Variants in TRAPPC9 observed in about 807,000 individuals in gnomAD.
TRAPPC9 encodes the protein IKK2 binding protein.
Under a neutral mutation model 124.0 loss-of-function variants are expected in TRAPPC9, and 83 were observed. The observed-to-expected ratio is 0.67, with a 90% confidence interval of 0.56 to 0.80. The LOEUF (loss-of-function observed/expected upper bound fraction) is 0.80, where lower values mean the gene tolerates loss of function less well. Ranked by LOEUF, TRAPPC9 falls within the 30% of genes least tolerant of loss-of-function variation. The pLI is 0.00. For synonymous variants in TRAPPC9, 638 were observed against 617.5 expected (o/e 1.03, Z -0.49); for missense variants, 1,302 against 1,508.3 (o/e 0.86, Z 2.27).
At chr8:140,406,681 G>T (rs2069503318) in intron 5 of TRAPPC9, among the ~76,000 whole-genome samples, 1 of 152,174 alleles carries the variant, frequency 6.6e-6, no homozygotes, top group Admixed American at 6.5e-5. Context: ...ATGGACAGAT[G>T]GAAGGAGAAC....
chr8:140,282,093 A>G (rs1169031136), intron 14 of TRAPPC9, among the ~76,000 whole-genome samples: 2 of 152,222 alleles, frequency 1.3e-5, no homozygotes, highest in Admixed American at 1.3e-4. Flanking sequence ...GCAACTGGCA[A>G]ATGAAAGGGT....
At chr8:139,969,320 C>T (rs959435824) in intron 19 of TRAPPC9, among the ~76,000 whole-genome samples, 21 of 152,236 alleles carry the variant, frequency 1.4e-4, no homozygotes, top group African/African-American at 4.8e-4. Context: ...CTTTCCCTCT[C>T]GCTAGACTGG....
At chr8:139,766,224 T>A (rs1399858100) in intron 21 of TRAPPC9, among the ~76,000 whole-genome samples, 1 of 152,194 alleles carries the variant, frequency 6.6e-6, no homozygotes, top group Non-Finnish European at 1.5e-5. Flanking sequence ...GGGATGCGTG[T>A]CCTTGGGCGT....
chr8:140,402,869 C>G (rs1241287539), intron 6 of TRAPPC9, among the ~76,000 whole-genome samples: 1 of 151,746 alleles, frequency 6.6e-6, no homozygotes, highest in Non-Finnish European at 1.5e-5. Flanking sequence ...AATATGAATT[C>G]AATACATTGT....
At chr8:140,209,665 CT>C (rs1315542747) in intron 17 of TRAPPC9, among the ~76,000 whole-genome samples, 1 of 152,180 alleles carries the variant, frequency 6.6e-6, no homozygotes, top group African/African-American at 2.4e-5. Context: ...ATTTTGTAAG[CT>C]TTTCTTATCT....
intron 20 of TRAPPC9, among the ~76,000 whole-genome samples, chr8:139,893,128 G>A (rs189707211): frequency 6.6e-6 from 1 of 152,326 alleles, no homozygotes; most frequent in African/African-American, 2.4e-5. Context: ...TCGTAGCCCT[G>A]GTGAGGGGCT....
intron 17 of TRAPPC9, among the ~76,000 whole-genome samples, chr8:140,169,787 G>C (rs963440407): frequency 6.6e-6 from 1 of 152,110 alleles, no homozygotes; most frequent in Non-Finnish European, 1.5e-5. Flanking sequence ...TGCTAGATGG[G>C]TATAGGGTTT....
At chr8:140,153,715 T>C (rs2061585131) in intron 17 of TRAPPC9, among the ~76,000 whole-genome samples, 1 of 152,226 alleles carries the variant, frequency 6.6e-6, no homozygotes, top group African/African-American at 2.4e-5. Flanking sequence ...ACAGTGATTT[T>C]TCTAAAGTGC....
chr8:140,267,658 T>C (rs1254040301), intron 15 of TRAPPC9, among the ~76,000 whole-genome samples: 3 of 145,446 alleles, frequency 2.1e-5, no homozygotes, highest in Non-Finnish European at 4.4e-5. Context: ...CTTTTGGGGT[T>C]TTTCGTTGTT....
chr8:140,351,974 T>C (rs777464887), intron 9 of TRAPPC9, among the ~76,000 whole-genome samples: 5 of 152,224 alleles, frequency 3.3e-5, no homozygotes, highest in Non-Finnish European at 7.3e-5. Context: ...CAATGTACTA[T>C]TGGAATACCT....
chr8:139,982,392 T>G (rs1042304851), intron 19 of TRAPPC9, among the ~76,000 whole-genome samples: 1 of 152,096 alleles, frequency 6.6e-6, no homozygotes, highest in African/African-American at 2.4e-5. Flanking sequence ...CCTCTTTTAC[T>G]CATAGGGAAA....
At chr8:139,917,971 T>C (rs1832258621) in intron 19 of TRAPPC9, among the ~76,000 whole-genome samples, 2 of 152,180 alleles carry the variant, frequency 1.3e-5, no homozygotes, top group Admixed American at 6.5e-5. Flanking sequence ...GTTCTGCAAA[T>C]AAACAAGCTG....
chr8:139,756,242 G>T (rs1433055508), intron 21 of TRAPPC9, among the ~76,000 whole-genome samples: 1 of 130,912 alleles, frequency 7.6e-6, no homozygotes, highest in Non-Finnish European at 1.6e-5. Context: ...AGGGTTTGGG[G>T]ATGAGGACAG....
chr8:140,181,361 A>T (rs986510853), intron 17 of TRAPPC9, among the ~76,000 whole-genome samples: 1 of 152,164 alleles, frequency 6.6e-6, no homozygotes, highest in African/African-American at 2.4e-5. Flanking sequence ...CCAGGGTCCA[A>T]ATGATTCCCC....
At chr8:139,812,753 G>A (rs1199705005) in intron 21 of TRAPPC9, among the ~76,000 whole-genome samples, 1 of 152,232 alleles carries the variant, frequency 6.6e-6, no homozygotes, top group Non-Finnish European at 1.5e-5. Flanking sequence ...GAGTAAAGGT[G>A]TTGGAATCAG....
intron 17 of TRAPPC9, among the ~76,000 whole-genome samples, chr8:140,042,906 C>T (rs889950251): frequency 1.3e-5 from 2 of 152,234 alleles, no homozygotes; most frequent in Admixed American, 6.5e-5. Flanking sequence ...GGCTCCTTCG[C>T]TCTGGGCAGC....
intron 18 of TRAPPC9, among the ~76,000 whole-genome samples, chr8:139,994,471 C>A (rs1837843465): frequency 6.6e-6 from 1 of 152,194 alleles, no homozygotes; most frequent in Non-Finnish European, 1.5e-5. Context: ...AACCTACAGC[C>A]TCAGAGAAGG....
At chr8:139,925,976 A>G (rs1022344735) in intron 19 of TRAPPC9, among the ~76,000 whole-genome samples, 9 of 152,170 alleles carry the variant, frequency 5.9e-5, no homozygotes, top group Non-Finnish European at 1.0e-4. Flanking sequence ...GACAGACCCA[A>G]TGGTGTGCTG....
chr8:140,136,121 T>G (rs1335297040), intron 17 of TRAPPC9, among the ~76,000 whole-genome samples: 7 of 151,300 alleles, frequency 4.6e-5, no homozygotes, highest in East Asian at 1.9e-4. Context: ...GAGAGGGAGG[T>G]AGGTACATTC....
Sources: allele counts gnomAD v4.1 joint callset (sites outside exome capture counted in the v4.1 genomes callset), GRCh38; gene constraint gnomAD v4.1.1; transcripts MANE v1.5; gene names NCBI Gene and HGNC (gene_info 2026-07-23, HGNC 2026-07-21).